RORA: variants seen among roughly 807,000 people sequenced by gnomAD.
The protein encoded by RORA is nuclear receptor ROR-alpha.
In RORA, 7 loss-of-function variants were observed where a neutral mutation model predicts 69.5. The observed-to-expected ratio is 0.10, with a 90% CI of 0.06 to 0.19. RORA has a LOEUF of 0.19. Among genes scored for constraint, RORA ranks in the 10% least tolerant of loss-of-function variants. The pLI, the probability that RORA is intolerant of heterozygous loss-of-function variation, is 1.00. For missense variants in RORA, 457 were observed against 663.0 expected (o/e 0.69, Z 3.41); for synonymous variants, 261 against 240.8 (o/e 1.08, Z -0.78).
At chr15:60,969,482 A>G (rs1488469828) in intron 1 of RORA, among the ~76,000 whole-genome samples, 1 of 152,236 alleles carries the variant, frequency 6.6e-6, no homozygotes, top group Non-Finnish European at 1.5e-5. Context: ...GGTAGACCAA[A>G]GCACCTATAT....
At chr15:61,067,422 T>C (rs745520597) in intron 1 of RORA, among the ~76,000 whole-genome samples, 10 of 152,146 alleles carry the variant, frequency 6.6e-5, no homozygotes, top group Non-Finnish European at 1.3e-4. Flanking sequence ...TAAACTCTCA[T>C]TAATTTTCAA....
chr15:60,535,198 C>T (rs2066638758), intron 2 of RORA, among the ~76,000 whole-genome samples: 1 of 152,170 alleles, frequency 6.6e-6, no homozygotes, highest in Admixed American at 6.5e-5. Context: ...CTACTGTCAA[C>T]GTTCACAAGT....
At position 60,920,324 on chromosome 15, in the gene RORA, T is replaced by C. The variant is rs557569118; in HGVS notation, c.167-241638A>G. On this transcript the variant is annotated intron_variant, in intron 1 of 10. Transcript: ENST00000335670. The stretch of plus-strand genomic sequence containing the variant: ...TCTAAGGCTAATCTCATCATCTTTG[T>C]CTTAAAGAAGCAGACTCAGAATTAA... Among the ~76,000 whole-genome samples, 4 of 152,362 alleles carry C rather than the reference T, an allele frequency of 2.6e-5. No homozygotes were observed. The East Asian group carries it at 7.7e-4, about 29-fold the overall frequency.
chr15:60,597,623 C>CACATATAT (rs1378626674), intron 2 of RORA, among the ~76,000 whole-genome samples: 2 of 21,346 alleles, frequency 9.4e-5, no homozygotes, highest in African/African-American at 3.5e-4. Flanking sequence ...TATATACATA[C>CACATATAT]ATATATATAC....
chr15:60,725,274 A>G (rs371334153), intron 1 of RORA, among the ~76,000 whole-genome samples: 1 of 152,214 alleles, frequency 6.6e-6, no homozygotes, highest in East Asian at 1.9e-4. Flanking sequence ...GTCTTTCTCT[A>G]TATTTTCTGC....
At chr15:60,523,843 T>A (rs1445451045) in intron 3 of RORA, among the ~76,000 whole-genome samples, 9 of 152,190 alleles carry the variant, frequency 5.9e-5, no homozygotes, top group African/African-American at 2.4e-5. Flanking sequence ...GGCTAATTTT[T>A]AAATTTTTTG....
intron 1 of RORA, among the ~76,000 whole-genome samples, chr15:61,084,245 A>G (rs761038020): frequency 1.3e-5 from 2 of 152,218 alleles, no homozygotes; most frequent in Admixed American, 6.5e-5. Context: ...GGAAAGCACA[A>G]GATTCTTCTA....
intron 1 of RORA, among the ~76,000 whole-genome samples, chr15:61,102,056 T>TC (rs2078887894): frequency 6.6e-6 from 1 of 151,998 alleles, no homozygotes; most frequent in African/African-American, 2.4e-5. Flanking sequence ...CCCCAGGTCA[T>TC]CCCCCGGATC....
intron 1 of RORA, among the ~76,000 whole-genome samples, chr15:60,912,557 A>G (rs1362662609): frequency 1.3e-5 from 2 of 152,168 alleles, no homozygotes; most frequent in Admixed American, 6.5e-5. Flanking sequence ...GATCGACACC[A>G]TCTTGGCTAA....
intron 1 of RORA, among the ~76,000 whole-genome samples, chr15:61,034,750 T>C (rs8028254): frequency 0.37 from 51,094 of 138,624 alleles, 9,553 homozygotes; most frequent in African/African-American, 0.45. Context: ...TAGTGGGGGC[T>C]GGGAACCCTG....
chr15:60,672,317 C>G (rs1381388545), intron 2 of RORA, among the ~76,000 whole-genome samples: 4 of 152,200 alleles, frequency 2.6e-5, no homozygotes, highest in Middle Eastern at 3.4e-3. Context: ...GGAAGAACCA[C>G]TCTGAAAAAT....
intron 1 of RORA, among the ~76,000 whole-genome samples, chr15:60,816,606 A>G (rs1028070908): frequency 6.8e-6 from 1 of 148,086 alleles, no homozygotes; most frequent in Non-Finnish European, 1.5e-5. Flanking sequence ...GTATTTATAT[A>G]CTGTAAACAG....
At chr15:60,861,587 C>G (rs189345147) in intron 1 of RORA, among the ~76,000 whole-genome samples, 192 of 152,318 alleles carry the variant, frequency 1.3e-3, no homozygotes, top group African/African-American at 4.2e-3. Context: ...CTCCTGGGCT[C>G]AAGTGATCTC....
chr15:60,561,360 C>A (rs934530092), intron 2 of RORA, among the ~76,000 whole-genome samples: 11 of 151,848 alleles, frequency 7.2e-5, no homozygotes, highest in Non-Finnish European at 1.5e-4. Flanking sequence ...GGATTACAGG[C>A]GTGAGCCACC....
chr15:60,705,328 C>A (rs2071046155), intron 1 of RORA, among the ~76,000 whole-genome samples: 1 of 152,128 alleles, frequency 6.6e-6, no homozygotes, highest in Non-Finnish European at 1.5e-5. Flanking sequence ...TTGAGTTTTC[C>A]CTGAAATTTC....
At chr15:60,677,507 C>T (rs1289413489) in intron 2 of RORA, among the ~76,000 whole-genome samples, 4 of 151,802 alleles carry the variant, frequency 2.6e-5, no homozygotes, top group African/African-American at 2.4e-5. Flanking sequence ...GAGAGAGCCA[C>T]GTGGAGAGAC....
intron 1 of RORA, among the ~76,000 whole-genome samples, chr15:60,849,717 T>C (rs1448994529): frequency 6.6e-6 from 1 of 152,200 alleles, no homozygotes; most frequent in African/African-American, 2.4e-5. Context: ...CTACAGTGAT[T>C]GATTTCAAGC....
At chr15:61,003,897 T>C (rs1043238293) in intron 1 of RORA, among the ~76,000 whole-genome samples, 37 of 151,878 alleles carry the variant, frequency 2.4e-4, no homozygotes, top group African/African-American at 8.5e-4. Context: ...GGAGAACGAG[T>C]AGGGAAAGGA....
intron 1 of RORA, among the ~76,000 whole-genome samples, chr15:60,790,540 C>T (rs2072400459): frequency 6.6e-6 from 1 of 152,172 alleles, no homozygotes; most frequent in Admixed American, 6.5e-5. Flanking sequence ...AGTCTAGAAC[C>T]TGATGAGTAA....
Sources: allele counts gnomAD v4.1 joint callset (sites outside exome capture counted in the v4.1 genomes callset), GRCh38; gene constraint gnomAD v4.1.1; transcripts MANE v1.5; gene names NCBI Gene and HGNC (gene_info 2026-07-23, HGNC 2026-07-21).